DHX8: variants seen among roughly 807,000 people sequenced by gnomAD.
DHX8 encodes ATP-dependent RNA helicase DHX8.
Under a neutral mutation model 140.7 loss-of-function variants are expected in DHX8, and 67 were observed. That is an observed-to-expected ratio of 0.48 (90% CI 0.39 to 0.58). The LOEUF is 0.58. DHX8 is among the 20% of genes least tolerant of loss of function. The pLI, the probability that DHX8 is intolerant of heterozygous loss-of-function variation, is 0.00. For synonymous variants in DHX8, 533 were observed against 553.2 expected (o/e 0.96, Z 0.51); for missense variants, 887 against 1,550.7 (o/e 0.57, Z 7.19).
chr17:43,534,661 C>T (rs889039603), intron 2 of DHX8, among the ~76,000 whole-genome samples: 6 of 151,588 alleles, frequency 4.0e-5, no homozygotes, highest in East Asian at 2.0e-4. Context: ...CTTTCTTGGC[C>T]GGGCGCGGTG....
chr17:43,535,926 C>A (rs10438761), intron 2 of DHX8, among the ~76,000 whole-genome samples: 34,528 of 152,114 alleles, frequency 0.23, 4,144 homozygotes, highest in East Asian at 0.32. Flanking sequence ...TCCTGGCCAA[C>A]ATGGTGAAAC....
chr17:43,508,194 TA>T, intron 15 of DHX8, 144 bp from the exon 16 acceptor site: 1 of 1,216,856 alleles, frequency 8.2e-7, no homozygotes, highest in Non-Finnish European at 1.1e-6. Flanking sequence ...ATGTCATATA[TA>T]AACAAACTTG....
intron 16 of DHX8, among the ~76,000 whole-genome samples, chr17:43,512,889 A>G (rs1969922328): frequency 6.6e-6 from 1 of 152,132 alleles, no homozygotes; most frequent in Non-Finnish European, 1.5e-5. Context: ...AAAAAGAAGC[A>G]ATCTCCCTCT....
chr17:43,508,597 T>C, intron 16 of DHX8, 77 bp downstream of exon 16: 2 of 983,714 alleles, frequency 2.0e-6, no homozygotes, highest in Non-Finnish European at 3.0e-6. Context: ...ATAGTAGGGA[T>C]TGCTTAGGGT....
rs762139416 is a variant in DHX8 at position 43,489,541 on chromosome 17, A to T, written c.234+7A>T. On this transcript the variant is annotated splice_region_variant and intron_variant, in intron 2 of 22. Transcript: ENST00000262415. Reference sequence around the variant, plus strand: ...AAATGGTGCAGAATTTACGGTATGTATATGTGGAGAAGATAATCTGTAGAT... The same window carrying T: ...AAATGGTGCAGAATTTACGGTATGTTTATGTGGAGAAGATAATCTGTAGAT... The T allele has an allele frequency of 3.3e-6, 5 of 1,527,328 alleles. No individual in the cohort carries two copies. Among genetic ancestry groups the T allele is most frequent in the Middle Eastern group, 1.7e-4 (1 of 5,888 alleles). 94.6% of individuals were successfully genotyped at this position (1,527,328 alleles called of 1,614,324 possible). A position where few individuals can be genotyped will look rare whatever the true frequency, so the allele number is the denominator to read the frequency against.
In DHX8 at chr17:43,492,767, A is replaced by G; in HGVS notation, c.590A>G (p.Asp197Gly). Residue 197 changes from aspartate to glycine, a missense_variant, in exon 6 of 23, where the codon GAC becomes GGC. By Grantham distance (94) the Asp-to-Gly change is moderately conservative. This residue lies in a region of DHX8 where 304 missense variants were observed against 306.9 expected (regional missense o/e 0.99). Coordinates refer to ENST00000262415, the MANE Select transcript of DHX8 (RefSeq NM_004941.3). ...DRDRERNRDR[D>G]HKRRHRSRSR... The stretch of plus-strand genomic sequence containing the variant: ...GATAGGGAACGAAACCGAGATAGAG[A>G]CCACAAGCGGAGACACCGATCCCGC... 1 of 1,614,122 alleles carries G rather than the reference A, an allele frequency of 6.2e-7. No individual in the cohort carries two copies. The highest frequency in any genetic ancestry group is 1.3e-5 in the African/African-American group (1 of 75,048).
chr17:43,507,513 C>A lies in DHX8; in HGVS notation c.1934C>A (p.Thr645Asn), dbSNP rs1225903166. Residue 645 changes from threonine (T) to asparagine (N), a missense_variant, in exon 14 of 23, where the codon ACC becomes AAC. By Grantham distance (65) the Thr-to-Asn change is moderately conservative. Transcript: ENST00000262415. ...GCCLGQEVGY[T>N]IRFEDCTSPE... ...TCTCTTCTGCTTTAGGTGGGCTACA[C>A]CATTCGATTTGAGGACTGCACTAGC... 1 of 1,613,708 alleles carries A rather than the reference C, an allele frequency of 6.2e-7. No homozygotes were observed. The highest frequency in any genetic ancestry group is 8.5e-7 in the Non-Finnish European group (1 of 1,179,930).
At chr17:43,504,129 C>T (rs1459449550) in intron 11 of DHX8, among the ~76,000 whole-genome samples, 1 of 151,968 alleles carries the variant, frequency 6.6e-6, no homozygotes, top group African/African-American at 2.4e-5. Context: ...AATTACATCT[C>T]GATATAGCAG....
chr17:43,497,549 A>G (rs891817551), intron 9 of DHX8, among the ~76,000 whole-genome samples: 6 of 151,974 alleles, frequency 3.9e-5, no homozygotes, highest in African/African-American at 1.5e-4. Context: ...TGAGCCTAGG[A>G]GTTTGAGACC....
intron 22 of DHX8, among the ~76,000 whole-genome samples, chr17:43,523,167 G>C (rs1319066): frequency 2.7e-5 from 4 of 150,784 alleles, no homozygotes; most frequent in African/African-American, 9.8e-5. Context: ...ACTCTATCTA[G>C]AACCCTAATA....
chr17:43,487,600 C>T (rs1004484248), intron 1 of DHX8, among the ~76,000 whole-genome samples: 6 of 152,150 alleles, frequency 3.9e-5, no homozygotes, highest in Non-Finnish European at 8.8e-5. Flanking sequence ...GCAATCTGCC[C>T]ACCACAACCT....
At chr17:43,511,456 A>ATTTTTTTTTTTTGTTTTTTTTTTTTTT (rs1969824815) in intron 16 of DHX8, among the ~76,000 whole-genome samples, 1 of 56,790 alleles carries the variant, frequency 1.8e-5, no homozygotes, top group African/African-American at 7.7e-5. Context: ...TGATCCCAGC[A>ATTTTTTTTTTTTGTTTTTTTTTTTTTT]TTTTTTTTTT....
downstream of DHX8, chr17:43,529,498 G>A (rs1450565987): frequency 6.2e-7 from 1 of 1,603,262 alleles, no homozygotes; most frequent in East Asian, 2.2e-5. Flanking sequence ...CATCCGAGAG[G>A]CCCACCTCCT....
intron 3 of DHX8, among the ~76,000 whole-genome samples, chr17:43,541,822 C>T (rs1971538985): frequency 6.6e-6 from 1 of 152,010 alleles, no homozygotes; most frequent in Admixed American, 6.6e-5. Flanking sequence ...ATATTTGTCC[C>T]CAAGAGTCTT....
chr17:43,499,921 T>C, intron 10 of DHX8, 35 bp from the exon 11 acceptor site: 2 of 1,610,702 alleles, frequency 1.2e-6, no homozygotes, highest in Non-Finnish European at 8.5e-7. Flanking sequence ...TTCCCGGACA[T>C]TTAATCCATG....
intron 18 of DHX8, 183 bp downstream of exon 18, chr17:43,517,505 A>G (rs1160651328): frequency 3.1e-6 from 2 of 642,256 alleles, no homozygotes; most frequent in Non-Finnish European, 5.1e-6. Flanking sequence ...CTAAGTTGGC[A>G]TGTCTGCTGT....
chr17:43,483,983 C>G lies in DHX8; in HGVS notation c.-55C>G. The stretch of plus-strand genomic sequence containing the variant: ...CCGGAAGTGAAAGCTGGAACCCGGC[C>G]GGAGTAGCTCTGAGCGCCGGCTGTG... On this transcript the variant is annotated 5_prime_UTR_variant, in exon 1 of 23. Coordinates refer to ENST00000262415, the MANE Select transcript of DHX8 (RefSeq NM_004941.3). 6.3e-7 allele frequency: 1 copy of G among 1,593,072 alleles called. No homozygotes were observed. Among genetic ancestry groups the G allele is most frequent in the Non-Finnish European group, 8.6e-7 (1 of 1,169,524 alleles).
chr17:43,489,587 T>A lies in DHX8; in HGVS notation c.234+53T>A. On this transcript the variant is annotated intron_variant, in intron 2 of 22. Coordinates refer to ENST00000262415, the MANE Select transcript of DHX8 (RefSeq NM_004941.3). ...TAGATATTAATGTTTTAATTTATGT[T>A]TGTTTGTTTGTTTTTTTTTTTGAGA... The A allele has an allele frequency of 4.5e-6, 6 of 1,331,752 alleles. No homozygotes were observed. In the South Asian group the frequency reaches 7.5e-5, roughly 17 times the overall value. The allele number at this position is 1,331,752 out of a possible 1,614,324, so 82.5% of individuals were successfully genotyped here.
chr17:43,491,216 C>T lies in DHX8; in HGVS notation c.359C>T (p.Pro120Leu). 6.5e-7 allele frequency: 1 copy of T among 1,538,108 alleles called. No individual in the cohort carries two copies. The highest frequency in any genetic ancestry group is 1.4e-5 in the African/African-American group (1 of 72,512). Residue 120 changes from proline to leucine, a missense_variant, in exon 4 of 23, where the codon CCA (proline) becomes CTA (leucine). Physicochemically the swap from Pro to Leu is moderately conservative, Grantham distance 98. Coordinates refer to ENST00000262415, the MANE Select transcript of DHX8 (RefSeq NM_004941.3). The stretch of plus-strand genomic sequence containing the variant: ...AAAGAAAAGCTGAAGGAACTCTTCC[C>T]AGTCCTTTGCCAACCGGACAACCCT... ...TEKEKLKELF[P>L]VLCQPDNPSV...
Sources: allele counts gnomAD v4.1 joint callset (sites outside exome capture counted in the v4.1 genomes callset), GRCh38; gene constraint gnomAD v4.1.1; regional missense constraint gnomAD v4.1.1; transcripts MANE v1.5; gene names NCBI Gene and HGNC (gene_info 2026-07-23, HGNC 2026-07-21).